The following PSD3 variants were observed in gnomAD, a reference collection of about 807,000 sequenced individuals.
PSD3 encodes the protein pleckstrin and Sec7 domain containing 3.
A neutral mutation model predicts 105.5 loss-of-function variants in PSD3; 49 were observed. The ratio of observed to expected loss-of-function variants is 0.46; its 90% CI spans 0.37 to 0.59. The LOEUF (loss-of-function observed/expected upper bound fraction) is 0.59. Among genes scored for constraint, PSD3 ranks in the 20% least tolerant of loss-of-function variants. PSD3 has a pLI of 0.00. For synonymous variants in PSD3, 557 were observed against 457.8 expected, an observed-to-expected ratio of 1.22 and a Z score of -2.77; for missense variants, 1,561 against 1,263.8, an observed-to-expected ratio of 1.24 and a Z score of -3.57.
chr8:18,872,097 G>A lies in PSD3; in HGVS notation c.767C>T (p.Ser256Leu), dbSNP rs533304149. ...GCCTGCAGAGTGGCAGGTCACTGCT[G>A]AGCTCCCGAGGGAGGCCAAAGGACA... ...PSCPLASLGS[S>L]AVTCHSAGSV... Residue 256 changes from serine to leucine, a missense_variant, in exon 3 of 16, where the codon TCA becomes TTA. By Grantham distance (145) the Ser-to-Leu change is moderately radical. Coordinates refer to ENST00000327040, the MANE Select transcript of PSD3 (RefSeq NM_015310.4). 5 of 1,614,120 alleles carry A rather than the reference G, an allele frequency of 3.1e-6. No individual in the cohort carries two copies. Among genetic ancestry groups the A allele is most frequent in the African/African-American group, 2.7e-5 (2 of 75,050 alleles).
intron 10 of PSD3, among the ~76,000 whole-genome samples, chr8:18,640,532 T>C (rs1279306344): frequency 6.6e-6 from 1 of 152,168 alleles, no homozygotes; most frequent in Non-Finnish European, 1.5e-5. Context: ...TCACCTTCAC[T>C]TGGCTCTCAT....
At chr8:18,712,141 TTACA>T (rs1554477898) in intron 9 of PSD3, among the ~76,000 whole-genome samples, 1 of 151,984 alleles carries the variant, frequency 6.6e-6, no homozygotes, top group Non-Finnish European at 1.5e-5. Flanking sequence ...AGAGGGACAT[TTACA>T]GTACTAAATG....
intron 9 of PSD3, among the ~76,000 whole-genome samples, chr8:18,719,647 C>T (rs955032912): frequency 2.6e-5 from 4 of 152,168 alleles, no homozygotes; most frequent in Non-Finnish European, 4.4e-5. Context: ...TGAACATTTG[C>T]AGGTCAAGGA....
intron 9 of PSD3, among the ~76,000 whole-genome samples, chr8:18,713,945 T>C (rs1370990027): frequency 1.3e-5 from 2 of 152,010 alleles, no homozygotes; most frequent in Non-Finnish European, 2.9e-5. Flanking sequence ...CATAGACCAA[T>C]GGAACAGAAA....
chr8:18,770,883 A>C (rs1192669371), intron 8 of PSD3, among the ~76,000 whole-genome samples: 1 of 152,194 alleles, frequency 6.6e-6, no homozygotes, highest in African/African-American at 2.4e-5. Flanking sequence ...CCAGGAGAAA[A>C]GAGGTTGCAC....
intron 3 of PSD3, among the ~76,000 whole-genome samples, chr8:18,869,328 T>C (rs978966518): frequency 6.6e-6 from 1 of 151,974 alleles, no homozygotes; most frequent in African/African-American, 2.4e-5. Context: ...CAGCTGGGAT[T>C]ACAGGCATGT....
Position 18,803,945 on chromosome 8 carries a change from T to C in PSD3, c.1910+577A>G, listed in dbSNP as rs553205534. The stretch of plus-strand genomic sequence containing the variant: ...AAGATGAAAGATTTTATGCTATCTG[T>C]ATTCTAACACGATAAAAAAACGAAA... On this transcript the variant is annotated intron_variant, in intron 6 of 15. Transcript: ENST00000327040. Among the ~76,000 whole-genome samples, 10 of 101,208 alleles carry C rather than the reference T, an allele frequency of 9.9e-5. No individual in the cohort carries two copies. The East Asian group carries it at 2.7e-3, about 27-fold the overall frequency. The allele number at this position is 101,208 out of a possible 152,430, so 66.4% of individuals were successfully genotyped here. A position where few individuals can be genotyped will look rare whatever the true frequency, so the allele number is the denominator to read the frequency against.
intron 1 of PSD3, among the ~76,000 whole-genome samples, chr8:19,055,083 C>T (rs1828663599): frequency 6.6e-6 from 1 of 152,148 alleles, no homozygotes; most frequent in South Asian, 2.1e-4. Flanking sequence ...CTTGATCTCT[C>T]TTCTCTTTAC....
At chr8:18,661,383 T>G (rs886086576) in intron 9 of PSD3, among the ~76,000 whole-genome samples, 1 of 152,200 alleles carries the variant, frequency 6.6e-6, no homozygotes, top group Non-Finnish European at 1.5e-5. Context: ...GAATTAAATA[T>G]GCACCACTCT....
At chr8:18,733,280 G>T (rs917287729) in intron 9 of PSD3, 3 of 152,110 alleles carry the variant, frequency 2.0e-5, no homozygotes, top group Admixed American at 2.0e-4. Flanking sequence ...TACTTTTTAG[G>T]GTCATAATTG....
chr8:18,819,244 C>G (rs1222359093), intron 4 of PSD3, among the ~76,000 whole-genome samples: 6 of 152,104 alleles, frequency 3.9e-5, no homozygotes, highest in African/African-American at 1.4e-4. Context: ...TCAACAAATA[C>G]TTTGACAAGT....
intron 1 of PSD3, among the ~76,000 whole-genome samples, chr8:18,968,338 A>C (rs1824415105): frequency 6.6e-6 from 1 of 152,174 alleles, no homozygotes; most frequent in Non-Finnish European, 1.5e-5. Flanking sequence ...GAAGACTTTA[A>C]ACTTTATTTT....
intron 10 of PSD3, among the ~76,000 whole-genome samples, chr8:18,654,054 T>C (rs1427541270): frequency 6.6e-6 from 1 of 152,206 alleles, no homozygotes; most frequent in East Asian, 1.9e-4. Flanking sequence ...TAGCAGACCA[T>C]GAATTCTTAA....
chr8:18,821,847 AC>A (rs1420254287), intron 4 of PSD3, among the ~76,000 whole-genome samples: 1 of 117,026 alleles, frequency 8.5e-6, no homozygotes, highest in Admixed American at 9.0e-5. Context: ...ATACCCACAC[AC>A]ACATGCACAC....
chr8:18,849,904 C>T (rs1044415350), intron 4 of PSD3, among the ~76,000 whole-genome samples: 16 of 152,338 alleles, frequency 1.1e-4, no homozygotes, highest in African/African-American at 3.6e-4. Flanking sequence ...GTTCTAGCAG[C>T]CAGTGACTGT....
At chr8:18,589,331 A>C (rs1244810209) in intron 12 of PSD3, among the ~76,000 whole-genome samples, 2 of 152,172 alleles carry the variant, frequency 1.3e-5, no homozygotes, top group African/African-American at 4.8e-5. Context: ...ATGACCCTCA[A>C]AGTAATGTGA....
intron 2 of PSD3, among the ~76,000 whole-genome samples, chr8:18,900,084 T>C (rs1270092541): frequency 6.6e-6 from 1 of 152,208 alleles, no homozygotes; most frequent in East Asian, 1.9e-4. Context: ...GTCTGGGAAC[T>C]TGTCTACTGC....
chr8:19,079,635 C>T (rs983844683), intron 1 of PSD3, among the ~76,000 whole-genome samples: 4 of 152,112 alleles, frequency 2.6e-5, no homozygotes, highest in African/African-American at 9.7e-5. Context: ...ATGTTCAACT[C>T]GTAATAGGGG....
At chr8:18,761,830 A>C (rs1284564892) in intron 9 of PSD3, among the ~76,000 whole-genome samples, 5 of 152,212 alleles carry the variant, frequency 3.3e-5, no homozygotes, top group Non-Finnish European at 7.3e-5. Flanking sequence ...CAGTAGAAAC[A>C]TGATCACAGG....
Sources: gnomAD v4.1 joint callset for allele counts (sites outside exome capture counted in the v4.1 genomes callset) on GRCh38, gnomAD v4.1.1 for gene constraint, MANE v1.5 for transcripts, NCBI Gene and HGNC (gene_info 2026-07-23, HGNC 2026-07-21) for gene names.